The following USP6NL variants were observed in gnomAD, a reference collection of about 807,000 sequenced individuals.
USP6NL encodes the protein USP6 N-terminal-like protein.
Under a neutral mutation model 61.9 loss-of-function variants are expected in USP6NL, and 26 were observed. That is an observed-to-expected ratio of 0.42 (90% CI 0.31 to 0.58). USP6NL has a LOEUF of 0.58. Among genes scored for constraint, USP6NL ranks in the 20% least tolerant of loss-of-function variants. USP6NL has a pLI of 0.16. For missense variants in USP6NL, 1,114 were observed against 1,034.3 expected (o/e 1.08, Z -1.06); for synonymous variants, 432 against 390.1 (o/e 1.11, Z -1.27).
chr10:11,470,082 G>T lies in USP6NL; in HGVS notation c.1079-6233C>A, dbSNP rs560991534. 6.6e-6 allele frequency among the ~76,000 whole-genome samples: 1 copy of T among 152,182 alleles called. No individual in the cohort carries two copies. The highest frequency in any genetic ancestry group is 2.4e-5 in the African/African-American group (1 of 41,432). On this transcript the variant is annotated intron_variant, in intron 14 of 14. Transcript: ENST00000609104. The surrounding 1 kb of genome is among the most constrained non-coding windows in gnomAD (Gnocchi z 5.4). Reference sequence around the variant, plus strand: ...GGGGCAGCGCTGTGGAGGTAGTAACGCTGTGCCTCTCATGAGGAGGAGAAG... The same window carrying T: ...GGGGCAGCGCTGTGGAGGTAGTAACTCTGTGCCTCTCATGAGGAGGAGAAG...
intron 1 of USP6NL, among the ~76,000 whole-genome samples, chr10:11,601,993 GAAAA>G (rs1027057686): frequency 6.8e-6 from 1 of 148,142 alleles, no homozygotes; most frequent in East Asian, 2.0e-4. Context: ...AAAAAAGAAA[GAAAA>G]AAAAAGAAGA....
chr10:11,477,062 G>A (rs1455556043), intron 14 of USP6NL, among the ~76,000 whole-genome samples: 1 of 152,078 alleles, frequency 6.6e-6, no homozygotes, highest in Non-Finnish European at 1.5e-5. Flanking sequence ...AGTAGAGACA[G>A]GGTTTCATCA....
At position 11,461,110 on chromosome 10, in the gene USP6NL, T is replaced by C. The variant is rs2096212736; in HGVS notation, c.*1331A>G. 6.6e-6 allele frequency: 1 copy of C among 152,506 alleles called. No homozygotes were observed. Among genetic ancestry groups the C allele is most frequent in the Non-Finnish European group, 1.5e-5 (1 of 68,032 alleles). 9.4% of individuals were successfully genotyped at this position (152,506 alleles called of 1,614,324 possible). On this transcript the variant is annotated 3_prime_UTR_variant, in exon 15 of 15. Transcript: ENST00000609104. The stretch of plus-strand genomic sequence containing the variant: ...AATGTCGGGTTTTCTACTATTCAAA[T>C]ATAAGCAATGTTGAAAACAAGCTCC...
At chr10:11,609,058 T>C (rs1024608669) in intron 1 of USP6NL, among the ~76,000 whole-genome samples, 2 of 151,996 alleles carry the variant, frequency 1.3e-5, no homozygotes, top group African/African-American at 4.8e-5. Flanking sequence ...ATGCTTTTCT[T>C]TTCTTTTCTT....
intron 2 of USP6NL, among the ~76,000 whole-genome samples, chr10:11,557,212 T>C (rs750580880): frequency 2.0e-5 from 3 of 152,218 alleles, no homozygotes; most frequent in Non-Finnish European, 4.4e-5. Flanking sequence ...CACAATTTTA[T>C]TCAACATATT....
intron 14 of USP6NL, among the ~76,000 whole-genome samples, chr10:11,480,343 C>T (rs1226467217): frequency 6.6e-6 from 1 of 152,194 alleles, no homozygotes; most frequent in Non-Finnish European, 1.5e-5. Context: ...TTTGAATTAT[C>T]TCACGTTTAA....
chr10:11,559,458 C>T (rs912438134), intron 2 of USP6NL, among the ~76,000 whole-genome samples: 5 of 152,144 alleles, frequency 3.3e-5, no homozygotes, highest in Non-Finnish European at 7.4e-5. Flanking sequence ...ATAGGGCATC[C>T]ACGCACACTA....
chr10:11,482,382 T>C lies in USP6NL; in HGVS notation c.926-460A>G, dbSNP rs535371827. Among the ~76,000 whole-genome samples the C allele has an allele frequency of 2.0e-5, 3 of 152,402 alleles. No homozygotes were observed. The East Asian group carries it at 5.8e-4, about 29-fold the overall frequency. ...TTATTAATTTTGTGAGTTTTATTTCTATTTATGAAATTCATTTTCTTGGAA... is the reference window on the plus strand; with the variant it reads ...TTATTAATTTTGTGAGTTTTATTTCCATTTATGAAATTCATTTTCTTGGAA... On this transcript the variant is annotated intron_variant, in intron 13 of 14. Transcript: ENST00000609104. The surrounding 1 kb of genome is among the most constrained non-coding windows in gnomAD (Gnocchi z 4.0).
At chr10:11,466,592 T>C (rs892251335) in intron 14 of USP6NL, among the ~76,000 whole-genome samples, 1 of 152,214 alleles carries the variant, frequency 6.6e-6, no homozygotes, top group Non-Finnish European at 1.5e-5. Context: ...TCCCGACATA[T>C]AGAAGATGCT....
At chr10:11,586,887 G>T (rs1345004981) in intron 2 of USP6NL, among the ~76,000 whole-genome samples, 1 of 152,080 alleles carries the variant, frequency 6.6e-6, no homozygotes, top group Non-Finnish European at 1.5e-5. Flanking sequence ...TCAATGCTGG[G>T]TCTTCACATA....
chr10:11,552,434 C>T (rs761334094), intron 2 of USP6NL, among the ~76,000 whole-genome samples: 77 of 152,190 alleles, frequency 5.1e-4, no homozygotes, highest in Admixed American at 1.0e-3. Context: ...AAGCTGAATT[C>T]CTGTTTTCAA....
Position 11,518,691 on chromosome 10 carries a change from A to G in USP6NL, c.156-117T>C, listed in dbSNP as rs2133376374. On this transcript the variant is annotated intron_variant, in intron 4 of 14. Coordinates refer to ENST00000609104, the MANE Select transcript of USP6NL (RefSeq NM_014688.5). This position sits in a 1 kb window ranked among gnomAD's most constrained non-coding sequence, Gnocchi z 5.3. ...ATTTATTTGTCATCACAAGAGTTAC[A>G]TAGGCTTCCATTCATTGAATTCAAT... 2 of 727,470 alleles carry G rather than the reference A, an allele frequency of 2.7e-6. No individual in the cohort carries two copies. Among genetic ancestry groups the G allele is most frequent in the Non-Finnish European group, 4.5e-6 (2 of 449,406 alleles). 45.1% of individuals were successfully genotyped at this position (727,470 alleles called of 1,614,324 possible).
chr10:11,494,803 A>G (rs1402427491), intron 7 of USP6NL, among the ~76,000 whole-genome samples: 1 of 152,182 alleles, frequency 6.6e-6, no homozygotes, highest in African/African-American at 2.4e-5. Flanking sequence ...ACTTTCACTA[A>G]TTGACTACTG....
rs149347278 is a variant in USP6NL, at chr10:11,544,038, C to T, written c.5-16471G>A. On this transcript the variant is annotated intron_variant, in intron 2 of 14. Coordinates refer to ENST00000609104, the MANE Select transcript of USP6NL (RefSeq NM_014688.5). ...GTGTTAGCCAGGGTGGTCTCGATCT[C>T]CTGACCTCGTGATCCACCTGCCTCG... Among the ~76,000 whole-genome samples, 1,373 of 152,098 alleles carry T rather than the reference C, an allele frequency of 9.0e-3. 14 individuals are homozygous for T. Among genetic ancestry groups the T allele is most frequent in the African/African-American group, 0.031 (1,285 of 41,500 alleles).
At chr10:11,581,518 A>G (rs1837773897) in intron 2 of USP6NL, among the ~76,000 whole-genome samples, 1 of 152,212 alleles carries the variant, frequency 6.6e-6, no homozygotes, top group South Asian at 2.1e-4. Flanking sequence ...CTGGAAATAC[A>G]TTTCAGAATT....
Position 11,592,446 on chromosome 10 carries a change from C to G in USP6NL, c.4+5185G>C, listed in dbSNP as rs1168198524. 1.3e-5 allele frequency among the ~76,000 whole-genome samples: 2 copies of G among 152,078 alleles called. No homozygotes were observed. The highest frequency in any genetic ancestry group is 1.5e-5 in the Non-Finnish European group (1 of 68,012). On this transcript the variant is annotated intron_variant, in intron 2 of 14. Transcript: ENST00000609104. This position sits in a 1 kb window ranked among gnomAD's most constrained non-coding sequence, Gnocchi z 4.7. ...CAAAGTCTCCATACATTTCCAAATT[C>G]CTCTCCTCCATTAAGAATCACTGAT...
intron 14 of USP6NL, among the ~76,000 whole-genome samples, chr10:11,475,457 G>A (rs966942692): frequency 4.6e-5 from 7 of 151,982 alleles, no homozygotes; most frequent in East Asian, 1.9e-4. Flanking sequence ...TTAGCCGGGC[G>A]TGGTGGCATA....
rs5783220 is a variant in USP6NL at position 11,591,285 on chromosome 10, A to AC, written c.4+6345dup. On this transcript the variant is annotated intron_variant, in intron 2 of 14. Transcript: ENST00000609104. The surrounding 1 kb of genome is among the most constrained non-coding windows in gnomAD (Gnocchi z 4.7). ...CTATTATAAAGAAGTCATTTGGAGC[A>AC]CACTGGTTTGTGTTGTACTAAAAAA... Among the ~76,000 whole-genome samples the AC allele has an allele frequency of 0.11, 17,256 of 152,238 alleles. 1,291 individuals are homozygous for AC. Among genetic ancestry groups the AC allele is most frequent in the East Asian group, 0.16 (824 of 5,186 alleles).
At position 11,493,235 on chromosome 10, in the gene USP6NL, A is replaced by G. The variant is rs1833776154; in HGVS notation, c.385-7T>C. On this transcript the variant is annotated splice_region_variant and splice_polypyrimidine_tract_variant and intron_variant, in intron 7 of 14. Transcript: ENST00000609104. ...GTGCTCTGTGTTTTAATTTCTGAAG[A>G]GAGAAAGAGAGAACAGAACAGATTT... is the stretch of plus-strand genomic sequence containing the variant. The G allele has an allele frequency of 1.3e-6, 2 of 1,594,582 alleles. No individual in the cohort carries two copies. The highest frequency in any genetic ancestry group is 1.7e-6 in the Non-Finnish European group (2 of 1,167,722).
Sources: gnomAD v4.1 joint callset for allele counts (sites outside exome capture counted in the v4.1 genomes callset) on GRCh38, gnomAD v4.1.1 for gene constraint, Gnocchi (gnomAD v3.1) non-coding constraint, MANE v1.5 for transcripts, NCBI Gene and HGNC (gene_info 2026-07-23, HGNC 2026-07-21) for gene names.